The following CDC42EP3 variants were observed in gnomAD, a reference collection of about 807,000 sequenced individuals.
The protein encoded by CDC42EP3 is CDC42 effector protein 3.
A neutral mutation model predicts 15.5 loss-of-function variants in CDC42EP3; 4 were observed. That is an observed-to-expected ratio of 0.26 (90% confidence interval 0.13 to 0.59). The LOEUF (loss-of-function observed/expected upper bound fraction) is 0.59. Among genes scored for constraint, CDC42EP3 ranks in the 20% least tolerant of loss-of-function variants. The pLI is 0.89. For synonymous variants in CDC42EP3, 145 were observed against 130.3 expected, an observed-to-expected ratio of 1.11 and a Z score of -0.77; for missense variants, 309 against 311.2, an observed-to-expected ratio of 0.99 and a Z score of 0.05.
chr2:37,657,970 G>A (rs1369971141), intron 1 of CDC42EP3, among the ~76,000 whole-genome samples: 2 of 152,208 alleles, frequency 1.3e-5, no homozygotes, highest in Non-Finnish European at 2.9e-5. Context: ...TCAGGTCAGA[G>A]TTGAGTAGCC....
chr2:37,648,049 C>T (rs753376227), intron 1 of CDC42EP3, among the ~76,000 whole-genome samples: 13 of 152,176 alleles, frequency 8.5e-5, no homozygotes, highest in Non-Finnish European at 1.5e-4. Context: ...TCGTTTGTTA[C>T]CAGTGTAGAA....
intron 1 of CDC42EP3, among the ~76,000 whole-genome samples, chr2:37,669,385 C>CT (rs546102146): frequency 1.6e-4 from 24 of 152,292 alleles, no homozygotes; most frequent in African/African-American, 5.3e-4. Context: ...AAAGGAAAGG[C>CT]TGGAGCGCAG....
chr2:37,646,417 G>A lies in CDC42EP3; in HGVS notation c.171C>T (p.Ser57=). The change falls in exon 2 of 2, where the codon TCC becomes TCT. Residue 57 remains serine (S), a synonymous_variant. Coordinates refer to ENST00000295324, the MANE Select transcript of CDC42EP3 (RefSeq NM_006449.5). ...AAAGCTCGTAGTTCCCTTGAAGAAA[G>A]GAAATATCTCCAAAGACATCGTGCT... is the stretch of plus-strand genomic sequence containing the variant. The part of the protein sequence containing the change: ...EGQHDVFGDI[S]FLQGNYELLP... 1 of 1,614,082 alleles carries A rather than the reference G, an allele frequency of 6.2e-7. No individual in the cohort carries two copies.
intron 1 of CDC42EP3, among the ~76,000 whole-genome samples, chr2:37,668,699 T>A (rs1666317499): frequency 6.6e-6 from 1 of 152,240 alleles, no homozygotes; most frequent in Non-Finnish European, 1.5e-5. Flanking sequence ...GTTATATAAC[T>A]GGTCTATCCT....
upstream of CDC42EP3, chr2:37,672,152 A>G (rs2124645041): frequency 6.7e-6 from 1 of 149,788 alleles, no homozygotes; most frequent in Non-Finnish European, 1.5e-5. Context: ...CGCCCCGGCC[A>G]GGCCGCAGCT....
Position 37,642,759 on chromosome 2 carries a change from C to G in CDC42EP3, c.*3064G>C, listed in dbSNP as rs999315169. The G allele has an allele frequency of 5.9e-5, 9 of 152,172 alleles. No homozygotes were observed. The East Asian group carries it at 1.5e-3, about 26-fold the overall frequency. 9.4% of individuals were successfully genotyped at this position (152,172 alleles called of 1,614,324 possible). On this transcript the variant is annotated 3_prime_UTR_variant, in exon 2 of 2. Coordinates refer to ENST00000295324, the MANE Select transcript of CDC42EP3 (RefSeq NM_006449.5). ...ATTCCAGGACTTCATTTGCGGGGAG[C>G]CTTCAGAAAAAACAGGTCACTTGCA...
intron 1 of CDC42EP3, among the ~76,000 whole-genome samples, chr2:37,647,178 T>G (rs1316016321): frequency 6.6e-6 from 1 of 152,248 alleles, no homozygotes; most frequent in Non-Finnish European, 1.5e-5. Context: ...TCCTTTTGCT[T>G]TGATGTGCAT....
chr2:37,660,032 G>C (rs1666007530), intron 1 of CDC42EP3, among the ~76,000 whole-genome samples: 2 of 152,172 alleles, frequency 1.3e-5, no homozygotes, highest in African/African-American at 4.8e-5. Flanking sequence ...ATGTAAAATG[G>C]AGATAATCAT....
intron 1 of CDC42EP3, among the ~76,000 whole-genome samples, chr2:37,659,975 C>T (rs919876324): frequency 1.3e-5 from 2 of 152,162 alleles, no homozygotes; most frequent in African/African-American, 4.8e-5. Context: ...TATGAGCCAG[C>T]CCTGTAAGAC....
intron 1 of CDC42EP3, among the ~76,000 whole-genome samples, chr2:37,652,174 CAAAAAAAAAAAAAAAAA>C (rs61407687): frequency 2.6e-5 from 1 of 39,118 alleles, no homozygotes; most frequent in African/African-American, 1.2e-4. Context: ...GACTCCCTCT[CAAAAAAAAAAAAAAAAA>C]AAAAAAAAAA....
At position 37,646,506 on chromosome 2, in the gene CDC42EP3, G is replaced by T. The variant is rs1267442645; in HGVS notation, c.82C>A (p.Pro28Thr). The change falls in exon 2 of 2, where the codon CCT (proline) becomes ACT (threonine). Residue 28 changes from proline to threonine, a missense_variant. Pro to Thr is a conservative substitution (Grantham distance 38). Transcript: ENST00000295324. ...KKFKLRDILSPDMISPPLGDF... is the reference protein window; with the variant it reads ...KKFKLRDILSTDMISPPLGDF... ...CCAAGCGGGGGACTGATCATATCAG[G>T]AGACAGAATGTCCCTCAGTTTAAAT... The T allele has an allele frequency of 6.2e-7, 1 of 1,600,732 alleles. No individual in the cohort carries two copies. The highest frequency in any genetic ancestry group is 1.3e-5 in the African/African-American group (1 of 74,076).
Position 37,644,830 on chromosome 2 carries a change from G to C in CDC42EP3, c.*993C>G, listed in dbSNP as rs1486291894. 6.6e-6 allele frequency: 1 copy of C among 152,126 alleles called. No homozygotes were observed. The highest frequency in any genetic ancestry group is 2.4e-5 in the African/African-American group (1 of 41,424). The allele number at this position is 152,126 out of a possible 1,614,324, so 9.4% of individuals were successfully genotyped here. On this transcript the variant is annotated 3_prime_UTR_variant, in exon 2 of 2. Transcript: ENST00000295324. Reference sequence around the variant, plus strand: ...TGGTCTTGTTTATTACTATAAACAAGCAAGTTCACTTTATCATTTACTTTT... The same window carrying C: ...TGGTCTTGTTTATTACTATAAACAACCAAGTTCACTTTATCATTTACTTTT...
At chr2:37,665,784 G>A (rs758549818) in intron 1 of CDC42EP3, among the ~76,000 whole-genome samples, 19 of 152,260 alleles carry the variant, frequency 1.2e-4, no homozygotes, top group African/African-American at 3.6e-4. Flanking sequence ...AGATCTGCAC[G>A]GGTCTGTTTT....
At chr2:37,662,240 T>G (rs1666079009) in intron 1 of CDC42EP3, among the ~76,000 whole-genome samples, 1 of 152,212 alleles carries the variant, frequency 6.6e-6, no homozygotes, top group Non-Finnish European at 1.5e-5. Flanking sequence ...GGAGCTTCAG[T>G]GTCCCCATCT....
intron 1 of CDC42EP3, among the ~76,000 whole-genome samples, chr2:37,665,717 T>C (rs896904479): frequency 6.6e-6 from 1 of 152,192 alleles, no homozygotes; most frequent in Non-Finnish European, 1.5e-5. Context: ...GCTGTCTAAA[T>C]AGAGGCCTGA....
intron 1 of CDC42EP3, among the ~76,000 whole-genome samples, chr2:37,662,118 G>T (rs1666074390): frequency 6.6e-6 from 1 of 152,060 alleles, no homozygotes; most frequent in Non-Finnish European, 1.5e-5. Context: ...AGGAAAGTAA[G>T]ACTAGCCTTA....
chr2:37,645,970 G>A lies in CDC42EP3; in HGVS notation c.618C>T (p.Asp206=), dbSNP rs773653016. The change falls in exon 2 of 2, where the codon GAC becomes GAT. Residue 206 remains aspartate (D), a synonymous_variant. Transcript: ENST00000295324. ...TGATGAGCTCGCATGGGGTGGGATG[G>A]TCAAACATGTCCTCGGCTGGCCAGT... The part of the protein sequence containing the change: ...YPDWPAEDMF[D]HPTPCELIKG... 6.2e-7 allele frequency: 1 copy of A among 1,614,056 alleles called. No individual in the cohort carries two copies.
intron 1 of CDC42EP3, among the ~76,000 whole-genome samples, chr2:37,655,359 G>A (rs1488566024): frequency 6.6e-6 from 1 of 152,198 alleles, no homozygotes; most frequent in African/African-American, 2.4e-5. Flanking sequence ...CCATATGTGA[G>A]ACTCAGTGCT....
chr2:37,657,007 AT>A (rs1665885695), intron 1 of CDC42EP3, among the ~76,000 whole-genome samples: 3 of 28,652 alleles, frequency 1.0e-4, no homozygotes, highest in African/African-American at 5.0e-4. Context: ...GCCCCCCGCC[AT>A]CCTCGAGGAG....
Sources: gnomAD v4.1 joint callset for allele counts (sites outside exome capture counted in the v4.1 genomes callset) on GRCh38, gnomAD v4.1.1 for gene constraint, MANE v1.5 for transcripts, NCBI Gene and HGNC (gene_info 2026-07-23, HGNC 2026-07-21) for gene names.